The following GFOD1 variants were observed in gnomAD, a reference collection of about 807,000 sequenced individuals.
GFOD1 encodes glucose-fructose oxidoreductase domain-containing protein 1.
GFOD1 carries 9 observed loss-of-function variants against 25.4 expected under a neutral mutation model. The ratio of observed to expected loss-of-function variants is 0.35; its 90% confidence interval spans 0.21 to 0.62. GFOD1 has a LOEUF of 0.62. GFOD1 is among the 20% of genes least tolerant of loss of function. The probability of loss-of-function intolerance (pLI) is 0.72; values close to 1 mark genes in which losing one functional copy is unlikely to be tolerated. For missense variants in GFOD1, 403 were observed against 556.9 expected (o/e 0.72, Z 2.78); for synonymous variants, 253 against 245.6 (o/e 1.03, Z -0.28).
chr6:13,380,990 G>A (rs79606493), intron 1 of GFOD1, among the ~76,000 whole-genome samples: 1 of 152,222 alleles, frequency 6.6e-6, no homozygotes, highest in Non-Finnish European at 1.5e-5. Context: ...TATCTCCAAG[G>A]GACAGTGCTT....
At chr6:13,427,589 T>C (rs1757664245) in intron 1 of GFOD1, among the ~76,000 whole-genome samples, 1 of 152,160 alleles carries the variant, frequency 6.6e-6, no homozygotes, top group Admixed American at 6.5e-5. Flanking sequence ...AGTTCAACGC[T>C]ACAGTGAGCT....
At chr6:13,401,003 G>A (rs1243255725) in intron 1 of GFOD1, among the ~76,000 whole-genome samples, 1 of 152,218 alleles carries the variant, frequency 6.6e-6, no homozygotes, top group Non-Finnish European at 1.5e-5. Context: ...CTCAACAGGT[G>A]CCTGGAGAGC....
chr6:13,381,736 T>G (rs1785365312), intron 1 of GFOD1, among the ~76,000 whole-genome samples: 1 of 152,134 alleles, frequency 6.6e-6, no homozygotes, highest in Admixed American at 6.5e-5. Flanking sequence ...TGGCTTGCTT[T>G]GTGCTCCAGT....
At chr6:13,366,499 C>A (rs1435980444) in intron 1 of GFOD1, among the ~76,000 whole-genome samples, 4 of 152,178 alleles carry the variant, frequency 2.6e-5, no homozygotes, top group African/African-American at 9.7e-5. Flanking sequence ...CCATGCCCAG[C>A]TAATTTTTGT....
intron 1 of GFOD1, among the ~76,000 whole-genome samples, chr6:13,433,716 T>G (rs114758445): frequency 0.04 from 6,073 of 152,150 alleles, 149 homozygotes; most frequent in Middle Eastern, 0.065. Flanking sequence ...TTCAGTGCAC[T>G]GAAGAGAGAG....
At chr6:13,484,103 T>C (rs1758813546) in intron 1 of GFOD1, among the ~76,000 whole-genome samples, 1 of 152,182 alleles carries the variant, frequency 6.6e-6, no homozygotes, top group Non-Finnish European at 1.5e-5. Flanking sequence ...TGTGATTCAA[T>C]TGATCTGAAG....
intron 1 of GFOD1, among the ~76,000 whole-genome samples, chr6:13,377,132 A>T (rs147740023): frequency 1.2e-3 from 183 of 152,168 alleles, no homozygotes; most frequent in African/African-American, 4.0e-3. Context: ...CTGCATGACA[A>T]CACTCAGTTG....
intron 1 of GFOD1, among the ~76,000 whole-genome samples, chr6:13,458,757 CAAAAAAAAAAAAAAA>C (rs5874418): frequency 0.16 from 9,046 of 57,604 alleles, 1,120 homozygotes; most frequent in African/African-American, 0.34. Flanking sequence ...TCCCCTTGAG[CAAAAAAAAAAAAAAA>C]AAAAAAAAAA....
chr6:13,404,354 G>A (rs948429473), intron 1 of GFOD1, among the ~76,000 whole-genome samples: 1 of 152,272 alleles, frequency 6.6e-6, no homozygotes, highest in Middle Eastern at 3.4e-3. Context: ...GGAAGACCGA[G>A]GAACTTGCCT....
chr6:13,475,008 C>G (rs75645894), intron 1 of GFOD1, among the ~76,000 whole-genome samples: 3 of 152,080 alleles, frequency 2.0e-5, no homozygotes, highest in African/African-American at 7.2e-5. Context: ...TATATGAAAC[C>G]AAAAACAAAA....
intron 1 of GFOD1, among the ~76,000 whole-genome samples, chr6:13,426,619 C>T (rs1037137789): frequency 2.6e-5 from 4 of 152,092 alleles, no homozygotes; most frequent in African/African-American, 9.7e-5. Context: ...TGAAGGCACC[C>T]GAGGTAGGTG....
chr6:13,439,868 C>G (rs1470315288), intron 1 of GFOD1, among the ~76,000 whole-genome samples: 1 of 152,166 alleles, frequency 6.6e-6, no homozygotes. Context: ...CTGTTACACC[C>G]TTGCTCTAGG....
At chr6:13,440,281 C>G (rs1239357226) in intron 1 of GFOD1, among the ~76,000 whole-genome samples, 1 of 151,992 alleles carries the variant, frequency 6.6e-6, no homozygotes, top group Non-Finnish European at 1.5e-5. Context: ...CCTCTGCCGC[C>G]AGGTTCAAGC....
chr6:13,477,214 GGGGTGTGTGTGT>G lies in GFOD1; in HGVS notation c.253+9412_253+9423del, dbSNP rs1339253075. Among the ~76,000 whole-genome samples, 66 of 7,678 alleles carry G rather than the reference GGGGTGTGTGTGT, an allele frequency of 8.6e-3. 1 individual carries two copies. Among genetic ancestry groups the G allele is most frequent in the South Asian group, 0.077 (17 of 220 alleles). 5.0% of individuals were successfully genotyped at this position (7,678 alleles called of 152,430 possible). The stretch of plus-strand genomic sequence containing the variant: ...TTCACCAGAGAAACAGAACCAATAG[GGGGTGTGTGTGT>G]GTGTGTGTGTGTGTGTGTGTGTGTG... On this transcript the variant is annotated intron_variant, in intron 1 of 1. Transcript: ENST00000379287.
intron 1 of GFOD1, among the ~76,000 whole-genome samples, chr6:13,453,167 T>C (rs1479474511): frequency 1.3e-5 from 2 of 152,236 alleles, no homozygotes; most frequent in Non-Finnish European, 2.9e-5. Flanking sequence ...AAATTCAGAA[T>C]TGAAGATAAG....
intron 1 of GFOD1, among the ~76,000 whole-genome samples, chr6:13,485,589 CTGA>C (rs1231686025): frequency 6.6e-6 from 1 of 152,172 alleles, no homozygotes; most frequent in Non-Finnish European, 1.5e-5. Context: ...CGTGCAAGAA[CTGA>C]TGATGAACAA....
chr6:13,388,606 A>G (rs1785522462), intron 1 of GFOD1, among the ~76,000 whole-genome samples: 6 of 152,264 alleles, frequency 3.9e-5, no homozygotes, highest in Admixed American at 3.9e-4. Flanking sequence ...TTATGCAAAA[A>G]TTAACTCAAG....
chr6:13,372,728 G>A (rs1481241818), intron 1 of GFOD1, among the ~76,000 whole-genome samples: 3 of 152,340 alleles, frequency 2.0e-5, no homozygotes, highest in African/African-American at 7.2e-5. Flanking sequence ...GACCAGGGCT[G>A]TTCCCTAACA....
chr6:13,412,756 C>T (rs1786100565), intron 1 of GFOD1, among the ~76,000 whole-genome samples: 1 of 152,236 alleles, frequency 6.6e-6, no homozygotes, highest in Admixed American at 6.5e-5. Flanking sequence ...CACAACTCAG[C>T]ATGCCCTGTG....
Sources: gnomAD v4.1 joint callset for allele counts (sites outside exome capture counted in the v4.1 genomes callset) on GRCh38, gnomAD v4.1.1 for gene constraint, MANE v1.5 for transcripts, NCBI Gene and HGNC (gene_info 2026-07-23, HGNC 2026-07-21) for gene names.